Variants in GABRB1 observed in about 807,000 individuals in gnomAD.
The protein encoded by GABRB1 is gamma-aminobutyric acid type A receptor subunit beta1.
A neutral mutation model predicts 51.6 loss-of-function variants in GABRB1; 17 were observed. That is an observed-to-expected ratio of 0.33 (90% CI 0.23 to 0.49). The LOEUF is 0.49. Ranked by LOEUF, GABRB1 falls within the 20% of genes least tolerant of loss-of-function variation. GABRB1 has a pLI of 0.99. For missense variants in GABRB1, 410 were observed against 600.6 expected (o/e 0.68, Z 3.32); for synonymous variants, 247 against 218.9 (o/e 1.13, Z -1.14).
chr4:47,250,973 T>A (rs986880297), intron 4 of GABRB1, among the ~76,000 whole-genome samples: 20 of 152,182 alleles, frequency 1.3e-4, no homozygotes, highest in African/African-American at 4.8e-4. Flanking sequence ...TTGGTTTGGA[T>A]CCATTGCTGG....
intron 8 of GABRB1, among the ~76,000 whole-genome samples, chr4:47,419,911 T>C (rs987090408): frequency 2.0e-5 from 3 of 152,186 alleles, no homozygotes; most frequent in African/African-American, 7.2e-5. Context: ...TTACTGGTCA[T>C]CTATCTGAAG....
intron 5 of GABRB1, among the ~76,000 whole-genome samples, chr4:47,362,967 C>T (rs764797721): frequency 2.6e-5 from 4 of 151,772 alleles, no homozygotes; most frequent in African/African-American, 7.3e-5. Flanking sequence ...AGATGCTACA[C>T]GAAGAAAGGT....
At chr4:47,304,235 T>C (rs1398811258) in intron 4 of GABRB1, among the ~76,000 whole-genome samples, 3 of 152,026 alleles carry the variant, frequency 2.0e-5, no homozygotes, top group Admixed American at 6.6e-5. Flanking sequence ...TCCATAATGG[T>C]TGTACTAATT....
chr4:47,363,799 T>C (rs374678274), intron 5 of GABRB1, among the ~76,000 whole-genome samples: 2 of 152,174 alleles, frequency 1.3e-5, no homozygotes, highest in African/African-American at 4.8e-5. Flanking sequence ...CTGGCAGTCA[T>C]GGTACTTAGA....
chr4:47,229,426 T>C (rs1226991563), intron 4 of GABRB1, among the ~76,000 whole-genome samples: 1 of 152,162 alleles, frequency 6.6e-6, no homozygotes, highest in African/African-American at 2.4e-5. Flanking sequence ...GACACTCAAG[T>C]GTAGGATAAT....
intron 3 of GABRB1, among the ~76,000 whole-genome samples, chr4:47,069,791 C>T (rs1385094503): frequency 6.6e-6 from 1 of 152,006 alleles, no homozygotes; most frequent in East Asian, 1.9e-4. Flanking sequence ...AGTCCTATTT[C>T]TCTTTATTTC....
intron 1 of GABRB1, among the ~76,000 whole-genome samples, chr4:47,015,815 T>C: frequency 6.6e-6 from 1 of 152,262 alleles, no homozygotes; most frequent in Non-Finnish European, 1.5e-5. Flanking sequence ...TTCATTTTGT[T>C]CTTAATTTAT....
intron 4 of GABRB1, among the ~76,000 whole-genome samples, chr4:47,161,742 T>C (rs990839465): frequency 1.3e-5 from 2 of 152,076 alleles, no homozygotes; most frequent in African/African-American, 4.8e-5. Context: ...GGCTCTTTAT[T>C]CTTTGGTGTC....
intron 3 of GABRB1, among the ~76,000 whole-genome samples, chr4:47,098,025 T>C (rs558522925): frequency 6.6e-6 from 1 of 152,216 alleles, no homozygotes; most frequent in South Asian, 2.1e-4. Flanking sequence ...GGGATATACT[T>C]AGCAGCATAT....
chr4:47,419,914 A>C (rs1171801764), intron 8 of GABRB1, among the ~76,000 whole-genome samples: 1 of 152,144 alleles, frequency 6.6e-6, no homozygotes, highest in Non-Finnish European at 1.5e-5. Context: ...CTGGTCATCT[A>C]TCTGAAGTGG....
At chr4:47,220,723 G>C (rs1036307525) in intron 4 of GABRB1, among the ~76,000 whole-genome samples, 1 of 151,928 alleles carries the variant, frequency 6.6e-6, no homozygotes, top group Admixed American at 6.6e-5. Context: ...ACAGTTCTGT[G>C]AATTAGAACT....
chr4:47,400,526 GTCTCTCTC>G (rs56896606), intron 5 of GABRB1, among the ~76,000 whole-genome samples: 5 of 117,870 alleles, frequency 4.2e-5, no homozygotes, highest in African/African-American at 1.2e-4. Flanking sequence ...CCAGGAGGTA[GTCTCTCTC>G]TCTCTCTCTC....
intron 3 of GABRB1, among the ~76,000 whole-genome samples, chr4:47,126,199 T>C (rs1235582934): frequency 6.6e-6 from 1 of 151,964 alleles, no homozygotes; most frequent in Non-Finnish European, 1.5e-5. Context: ...GAAAGACAAA[T>C]ACTGCATAAT....
intron 3 of GABRB1, among the ~76,000 whole-genome samples, chr4:47,106,625 G>A (rs1263366671): frequency 6.6e-6 from 1 of 151,846 alleles, no homozygotes; most frequent in Non-Finnish European, 1.5e-5. Context: ...CTCTTGTTGG[G>A]TTTGGTCTAC....
intron 3 of GABRB1, among the ~76,000 whole-genome samples, chr4:47,085,695 A>G (rs1385962040): frequency 6.6e-6 from 1 of 152,228 alleles, no homozygotes; most frequent in East Asian, 1.9e-4. Flanking sequence ...AACAATGATG[A>G]TTTTTAACAT....
chr4:47,236,165 T>C (rs1234029776), intron 4 of GABRB1, among the ~76,000 whole-genome samples: 1 of 152,148 alleles, frequency 6.6e-6, no homozygotes, highest in Non-Finnish European at 1.5e-5. Context: ...TTTTATTCAA[T>C]TAAATTTTAT....
rs142620108 is a variant in GABRB1, at chr4:47,056,376, G to T, written c.240+23892G>T. ...TTTGTTTCACTCTTGAGTTTGCCTG[G>T]ACTAATAGATACTGTATTTCCCAAC... On this transcript the variant is annotated intron_variant, in intron 3 of 8. Coordinates refer to ENST00000295454, the MANE Select transcript of GABRB1 (RefSeq NM_000812.4). Among the ~76,000 whole-genome samples the T allele has an allele frequency of 5.1e-3, 778 of 152,220 alleles. 3 individuals carry two copies. Among genetic ancestry groups the T allele is most frequent in the African/African-American group, 0.018 (731 of 41,532 alleles).
chr4:47,278,630 C>T lies in GABRB1; in HGVS notation c.462-41497C>T, dbSNP rs140543404. ...CAAGCCCTAGGTTTTTGCCTTTTGC[C>T]TGGCCCTCAATGTCAATTACCAACA... On this transcript the variant is annotated intron_variant, in intron 4 of 8. Transcript: ENST00000295454. Among the ~76,000 whole-genome samples, 247 of 152,236 alleles carry T rather than the reference C, an allele frequency of 1.6e-3. 1 individual carries two copies. Among genetic ancestry groups the T allele is most frequent in the African/African-American group, 5.4e-3 (225 of 41,562 alleles).
chr4:47,369,259 T>C lies in GABRB1; in HGVS notation c.545-34059T>C, dbSNP rs573049469. On this transcript the variant is annotated intron_variant, in intron 5 of 8. Coordinates refer to ENST00000295454, the MANE Select transcript of GABRB1 (RefSeq NM_000812.4). ...GAGGATAGGACTGGGGATGAGGTTT[T>C]TAATCCTGTTCTGCCACTGACTAGT... Among the ~76,000 whole-genome samples the C allele has an allele frequency of 3.9e-5, 6 of 152,322 alleles. No individual in the cohort carries two copies. The South Asian group carries it at 1.2e-3, about 32-fold the overall frequency.
Sources: allele counts gnomAD v4.1 joint callset (sites outside exome capture counted in the v4.1 genomes callset), GRCh38; gene constraint gnomAD v4.1.1; transcripts MANE v1.5; gene names NCBI Gene and HGNC (gene_info 2026-07-23, HGNC 2026-07-21).